STRN: variants seen among roughly 807,000 people sequenced by gnomAD.
STRN encodes striatin, also known as protein phosphatase 2 regulatory subunit B'''alpha.
STRN carries 53 observed loss-of-function variants against 96.3 expected under a neutral mutation model. The observed-to-expected ratio is 0.55, with a 90% CI of 0.44 to 0.69. STRN has a LOEUF of 0.69. Among genes scored for constraint, STRN ranks in the 30% least tolerant of loss-of-function variants. STRN has a pLI of 0.00. For missense variants in STRN, 987 were observed against 963.9 expected (o/e 1.02, Z -0.32); for synonymous variants, 428 against 355.9 (o/e 1.20, Z -2.28).
rs111749852 is a variant in STRN at position 36,876,262 on chromosome 2, C to T, written c.1323+1629G>A. Among the ~76,000 whole-genome samples the T allele has an allele frequency of 5.1e-3, 623 of 120,996 alleles. 4 individuals are homozygous for T. Among genetic ancestry groups the T allele is most frequent in the Non-Finnish European group, 8.4e-3 (488 of 57,892 alleles). 79.4% of individuals were successfully genotyped at this position (120,996 alleles called of 152,430 possible). On this transcript the variant is annotated intron_variant, in intron 10 of 17. Transcript: ENST00000263918. ...CTCCAGCCTGGGTGACCGAGTGAGACCCTGCCTTAAAAAAAAAAAAAAATT... is the reference window on the plus strand; with the variant it reads ...CTCCAGCCTGGGTGACCGAGTGAGATCCTGCCTTAAAAAAAAAAAAAAATT...
At chr2:36,864,582 T>C (rs933980625) in intron 12 of STRN, among the ~76,000 whole-genome samples, 4 of 152,210 alleles carry the variant, frequency 2.6e-5, no homozygotes, top group Admixed American at 2.6e-4. Flanking sequence ...GATTTTTGCA[T>C]CTATGTTCAT....
chr2:36,861,184 C>T lies in STRN; in HGVS notation c.1617G>A (p.Leu539=). Residue 539 remains leucine, a synonymous_variant, in exon 13 of 18, where the codon CTG becomes CTA. Transcript: ENST00000263918. ...GATTAGTGGTATTCCAGCCCTGGAT[C>T]AGTCCATCAGTACCACCACTGTAAC... ...EQCYSGGTDG[L]IQGWNTTNPN... is the part of the protein sequence containing the mutation. 6.2e-7 allele frequency: 1 copy of T among 1,614,082 alleles called. No homozygotes were observed. The highest frequency in any genetic ancestry group is 1.1e-5 in the South Asian group (1 of 91,080).
Position 36,846,762 on chromosome 2 carries a change from T to G in STRN, c.*2694A>C, listed in dbSNP as rs528049070. On this transcript the variant is annotated 3_prime_UTR_variant, in exon 18 of 18. Transcript: ENST00000263918. ...ATTATATCACTTTTGTTAAATAATC[T>G]GTCTATGGTTTGAGTAGCAAATGAG... The G allele has an allele frequency of 6.6e-6, 1 of 152,190 alleles. No individual in the cohort carries two copies. The highest frequency in any genetic ancestry group is 2.1e-4 in the South Asian group (1 of 4,816). 9.4% of individuals were successfully genotyped at this position (152,190 alleles called of 1,614,324 possible).
At chr2:36,875,163 G>T (rs1180039016) in intron 10 of STRN, among the ~76,000 whole-genome samples, 1 of 152,054 alleles carries the variant, frequency 6.6e-6, no homozygotes, top group Non-Finnish European at 1.5e-5. Context: ...CTGAAGAGTA[G>T]CAAAAGAGTG....
intron 11 of STRN, among the ~76,000 whole-genome samples, chr2:36,868,178 C>A (rs1668676662): frequency 6.6e-6 from 1 of 152,172 alleles, no homozygotes. Context: ...ATTTCCAGTT[C>A]TGTCACTAAT....
chr2:36,915,090 G>A (rs1239121734), intron 3 of STRN, among the ~76,000 whole-genome samples: 1 of 150,598 alleles, frequency 6.6e-6, no homozygotes, highest in Non-Finnish European at 1.5e-5. Context: ...CCAGCTACTC[G>A]GGAGGCTGAG....
At chr2:36,893,812 T>C in intron 7 of STRN, 86 bp downstream of exon 7, 1 of 1,455,328 alleles carries the variant, frequency 6.9e-7, no homozygotes, top group Non-Finnish European at 9.2e-7. Flanking sequence ...ATTTCAACAT[T>C]ATAGTTAAGA....
chr2:36,906,505 T>C (rs962251101), intron 3 of STRN, among the ~76,000 whole-genome samples: 8 of 116,008 alleles, frequency 6.9e-5, no homozygotes, highest in Non-Finnish European at 9.8e-5. Context: ...AACAAATAAA[T>C]AATTTTTTTA....
intron 8 of STRN, 43 bp downstream of exon 8, chr2:36,886,673 G>T: frequency 6.8e-7 from 1 of 1,465,768 alleles, no homozygotes; most frequent in Non-Finnish European, 9.2e-7. Context: ...GGGATGTAAA[G>T]AGGCAAGATT....
intron 1 of STRN, among the ~76,000 whole-genome samples, chr2:36,944,027 G>T (rs1381435096): frequency 6.6e-6 from 1 of 152,074 alleles, no homozygotes; most frequent in Non-Finnish European, 1.5e-5. Context: ...GGCTGGGGCA[G>T]GAGAATTGCT....
At position 36,841,544 on chromosome 2, in the gene STRN, T is replaced by A. The variant is rs921454146; in HGVS notation, c.*7912A>T. The A allele has an allele frequency of 2.0e-5, 3 of 152,214 alleles. No homozygotes were observed. The highest frequency in any genetic ancestry group is 4.4e-5 in the Non-Finnish European group (3 of 68,042). The allele number at this position is 152,214 out of a possible 1,614,324, so 9.4% of individuals were successfully genotyped here. A position where few individuals can be genotyped will look rare whatever the true frequency, so the allele number is the denominator to read the frequency against. On this transcript the variant is annotated 3_prime_UTR_variant, in exon 18 of 18. Transcript: ENST00000263918. ...TATCGAAAAAGATGTAAGTACATTT[T>A]AAAAATGTTTTTAAAAGCATAGTCA...
intron 8 of STRN, among the ~76,000 whole-genome samples, chr2:36,886,004 A>T (rs977246136): frequency 9.2e-5 from 14 of 152,128 alleles, no homozygotes; most frequent in African/African-American, 3.4e-4. Context: ...TCCATTTTAC[A>T]TTCTTAACTA....
intron 8 of STRN, 133 bp downstream of exon 8, chr2:36,886,583 G>T: frequency 3.2e-6 from 2 of 633,688 alleles, no homozygotes; most frequent in Non-Finnish European, 5.3e-6. Flanking sequence ...ACCCCTGAGA[G>T]CAGGTGAAAA....
rs368788109 is a variant in STRN, at chr2:36,842,014, G to A, written c.*7442C>T. ...CCAGCCCCCAAAATAAACTGTTTCT[G>A]ATAAAATTACTTTTGCTCTAAGTTA... On this transcript the variant is annotated 3_prime_UTR_variant, in exon 18 of 18. Transcript: ENST00000263918. 3.9e-5 allele frequency: 6 copies of A among 152,284 alleles called. No individual in the cohort carries two copies. The East Asian group carries it at 9.6e-4, about 24-fold the overall frequency. 9.4% of individuals were successfully genotyped at this position (152,284 alleles called of 1,614,324 possible).
At chr2:36,875,647 G>A (rs941569097) in intron 10 of STRN, among the ~76,000 whole-genome samples, 3 of 138,960 alleles carry the variant, frequency 2.2e-5, no homozygotes, top group Admixed American at 8.2e-5. Flanking sequence ...AAAAACATTG[G>A]AAATAGAAAT....
At chr2:36,910,110 C>A (rs4016033) in intron 3 of STRN, among the ~76,000 whole-genome samples, 1 of 149,990 alleles carries the variant, frequency 6.7e-6, no homozygotes, top group Non-Finnish European at 1.5e-5. Flanking sequence ...GAGGCGGAGG[C>A]TGCAGTGAGC....
intron 11 of STRN, among the ~76,000 whole-genome samples, chr2:36,868,872 CTT>C (rs201441254): frequency 4.1e-4 from 54 of 131,850 alleles, no homozygotes; most frequent in South Asian, 1.2e-3. Context: ...GATGCTGGTT[CTT>C]TTTTTTTTTT....
chr2:36,893,532 T>C (rs960969971), intron 7 of STRN, among the ~76,000 whole-genome samples: 1 of 152,216 alleles, frequency 6.6e-6, no homozygotes, highest in East Asian at 1.9e-4. Flanking sequence ...ATACTTCTTT[T>C]CGCATGTAAG....
Position 36,840,449 on chromosome 2 carries a change from G to A in STRN, c.*9007C>T, listed in dbSNP as rs1198348892. ...ATTTTGTTGCTACCTGTGAGGTAAA[G>A]TCCAAATTCCTCTCCAGTCAAGGTG... On this transcript the variant is annotated 3_prime_UTR_variant, in exon 18 of 18. Transcript: ENST00000263918. The A allele has an allele frequency of 6.6e-6, 1 of 152,008 alleles. No individual in the cohort carries two copies. Among genetic ancestry groups the A allele is most frequent in the African/African-American group, 2.4e-5 (1 of 41,392 alleles). The allele number at this position is 152,008 out of a possible 1,614,324, so 9.4% of individuals were successfully genotyped here.
Sources: gnomAD v4.1 joint callset for allele counts (sites outside exome capture counted in the v4.1 genomes callset) on GRCh38, gnomAD v4.1.1 for gene constraint, MANE v1.5 for transcripts, NCBI Gene and HGNC (gene_info 2026-07-23, HGNC 2026-07-21) for gene names.